Variants in MTX3 observed in about 807,000 individuals in gnomAD.
The protein encoded by MTX3 is metaxin-3.
Under a neutral mutation model 42.5 loss-of-function variants are expected in MTX3, and 27 were observed. That is an observed-to-expected ratio of 0.64 (90% CI 0.47 to 0.88). The LOEUF (loss-of-function observed/expected upper bound fraction) is 0.88. Ranked by LOEUF, MTX3 falls within the 40% of genes least tolerant of loss-of-function variation. The pLI, the probability that MTX3 is intolerant of heterozygous loss-of-function variation, is 0.00. For missense variants in MTX3, 378 were observed against 367.0 expected (o/e 1.03, Z -0.25); for synonymous variants, 144 against 132.9 (o/e 1.08, Z -0.57).
chr5:79,989,920 C>A (rs991588243), intron 3 of MTX3, among the ~76,000 whole-genome samples: 4 of 152,138 alleles, frequency 2.6e-5, no homozygotes, highest in African/African-American at 9.7e-5. Flanking sequence ...TACTTACATA[C>A]AAATTTCAAT....
chr5:79,987,107 C>G lies in MTX3; in HGVS notation c.582G>C (p.Thr194=). The part of the protein sequence containing the change: ...LGTSQFFFGD[T]PSTLDAYVFG... Reference sequence around the variant, plus strand: ...AAACATAGGCATCCAAGGTAGAAGGCCTAGAAATAAATTAAGGATTTTTAA... The same window carrying G: ...AAACATAGGCATCCAAGGTAGAAGGGCTAGAAATAAATTAAGGATTTTTAA... The change falls in exon 7 of 9, where the codon ACG becomes ACC. Residue 194 remains threonine (T), a splice_region_variant and synonymous_variant. Coordinates refer to ENST00000512528, the MANE Select transcript of MTX3 (RefSeq NM_001363818.2). 6.2e-7 allele frequency: 1 copy of G among 1,612,646 alleles called. No individual in the cohort carries two copies. The highest frequency in any genetic ancestry group is 8.5e-7 in the Non-Finnish European group (1 of 1,179,432).
rs1831265134 is a variant in MTX3, at chr5:79,976,927, GTTTAC to G, written c.*6752_*6756del. ...GGCCAACATTGCTTACTTTAAGATT[GTTTAC>G]TTTATAAAGAAGCTAGAGTAGTTGT... On this transcript the variant is annotated 3_prime_UTR_variant, in exon 9 of 9. Coordinates refer to ENST00000512528, the MANE Select transcript of MTX3 (RefSeq NM_001363818.2). 6.6e-6 allele frequency: 1 copy of G among 152,484 alleles called. No individual in the cohort carries two copies. The highest frequency in any genetic ancestry group is 2.4e-5 in the African/African-American group (1 of 41,406). 9.4% of individuals were successfully genotyped at this position (152,484 alleles called of 1,614,324 possible).
At chr5:79,991,075 G>T in intron 1 of MTX3, 83 bp downstream of exon 1, 1 of 1,358,216 alleles carries the variant, frequency 7.4e-7, no homozygotes, top group Non-Finnish European at 1.0e-6. Flanking sequence ...ACCCCGCAGC[G>T]CAGCGGGAAA....
chr5:79,991,111 CA>C (rs760696048), intron 1 of MTX3, 46 bp downstream of exon 1: 10 of 1,521,196 alleles, frequency 6.6e-6, no homozygotes, highest in Non-Finnish European at 8.9e-6. Flanking sequence ...CTGGCGCCTC[CA>C]GCCCCGCCCC....
rs529715938 is a variant in MTX3 at position 79,990,096 on chromosome 5, A to C, written c.228+64T>G. 5.5e-4 allele frequency: 540 copies of C among 979,842 alleles called. 5 individuals are homozygous for C. The African/African-American group carries it at 8.3e-3, about 15-fold the overall frequency. The allele number at this position is 979,842 out of a possible 1,614,324, so 60.7% of individuals were successfully genotyped here. A position where few individuals can be genotyped will look rare whatever the true frequency, so the allele number is the denominator to read the frequency against. On this transcript the variant is annotated intron_variant, in intron 3 of 8. Coordinates refer to ENST00000512528, the MANE Select transcript of MTX3 (RefSeq NM_001363818.2). Reference sequence around the variant, plus strand: ...TTGGCAAAAAAAAATAAATAAATAAAATAAAGCCCAACATGCAGGGATCAA... The same window carrying C: ...TTGGCAAAAAAAAATAAATAAATAACATAAAGCCCAACATGCAGGGATCAA...
Position 79,988,474 on chromosome 5 carries a change from T to C in MTX3, c.492A>G (p.Glu164=), listed in dbSNP as rs551347169. 6.2e-7 allele frequency: 1 copy of C among 1,609,274 alleles called. No individual in the cohort carries two copies. Among genetic ancestry groups the C allele is most frequent in the South Asian group, 1.1e-5 (1 of 90,366 alleles). The change falls in exon 5 of 9, where the codon GAA becomes GAG. Residue 164 remains glutamate (E), a synonymous_variant. Transcript: ENST00000512528. Reference sequence around the variant, plus strand: ...ATCCATACTATACCTGTGCTTCCACTTCTCGGAGGTGGTAGAGGGGAGGCT... The same window carrying C: ...ATCCATACTATACCTGTGCTTCCACCTCTCGGAGGTGGTAGAGGGGAGGCT... ...RGQPPLYHLR[E]VEAQIYRDAK...
At chr5:79,991,053 C>T (rs1831648042) in intron 1 of MTX3, 105 bp downstream of exon 1, 6 of 1,162,302 alleles carry the variant, frequency 5.2e-6, no homozygotes, top group Admixed American at 2.0e-5. Flanking sequence ...TGCAGCGGCT[C>T]GGCCCTCCTG....
At chr5:79,989,028 G>T in intron 4 of MTX3, 124 bp downstream of exon 4, 1 of 614,076 alleles carries the variant, frequency 1.6e-6, no homozygotes. Flanking sequence ...GTAATATGAA[G>T]GAATTAAGAT....
Position 79,990,602 on chromosome 5 carries a change from C to T in MTX3, c.143G>A (p.Gly48Asp), listed in dbSNP as rs764113536. ...KVNVIDNTWR[G>D]SRGDVPILTT... ...AAAGGTTTACACTATACCTCTTGAACCTCTCCAGGTGTTATCTATCACATT... is the reference window on the plus strand; with the variant it reads ...AAAGGTTTACACTATACCTCTTGAATCTCTCCAGGTGTTATCTATCACATT... The change falls in exon 2 of 9, where the codon GGT becomes GAT. Residue 48 changes from glycine to aspartate, a missense_variant. Physicochemically the swap from Gly to Asp is moderately conservative, Grantham distance 94 (BLOSUM62 -1). Coordinates refer to ENST00000512528, the MANE Select transcript of MTX3 (RefSeq NM_001363818.2). 2 of 1,606,270 alleles carry T rather than the reference C, an allele frequency of 1.2e-6. No individual in the cohort carries two copies. Among genetic ancestry groups the T allele is most frequent in the South Asian group, 1.1e-5 (1 of 90,056 alleles).
In MTX3 at chr5:79,981,985, C is replaced by T. The variant is rs2164992; in HGVS notation, c.*1699G>A. 1 of 156,036 alleles carries T rather than the reference C, an allele frequency of 6.4e-6. No homozygotes were observed. Among genetic ancestry groups the T allele is most frequent in the African/African-American group, 2.4e-5 (1 of 41,472 alleles). 9.7% of individuals were successfully genotyped at this position (156,036 alleles called of 1,614,324 possible). On this transcript the variant is annotated 3_prime_UTR_variant, in exon 9 of 9. Coordinates refer to ENST00000512528, the MANE Select transcript of MTX3 (RefSeq NM_001363818.2). Reference sequence around the variant, plus strand: ...TGATGAATGTGCTAACCACCCTTCTCCAATATACATCCATCCTAGAGGACA... The same window carrying T: ...TGATGAATGTGCTAACCACCCTTCTTCAATATACATCCATCCTAGAGGACA...
At chr5:79,985,922 T>G (rs1048592483) in intron 7 of MTX3, among the ~76,000 whole-genome samples, 1 of 95,214 alleles carries the variant, frequency 1.1e-5, no homozygotes, top group African/African-American at 4.7e-5. Flanking sequence ...CCACAATAAT[T>G]AGTTTTTTTT....
chr5:79,989,310 A>C, intron 3 of MTX3, 66 bp from the exon 4 acceptor site: 1 of 974,710 alleles, frequency 1.0e-6, no homozygotes, highest in South Asian at 1.5e-5. Context: ...AGTAAAACTA[A>C]TCAAATCAGG....
intron 8 of MTX3, among the ~76,000 whole-genome samples, chr5:79,984,883 G>A (rs1230516916): frequency 3.9e-5 from 6 of 152,136 alleles, no homozygotes; most frequent in East Asian, 1.9e-4. Flanking sequence ...AAAAGAACAC[G>A]GTGCTGTTAA....
intron 7 of MTX3, 132 bp downstream of exon 7, chr5:79,986,818 T>C: frequency 1.3e-6 from 1 of 783,716 alleles, no homozygotes; most frequent in South Asian, 1.9e-5. Context: ...AAAACACAAA[T>C]CCTTGAAGTG....
At chr5:79,991,079 C>T in intron 1 of MTX3, 79 bp downstream of exon 1, 3 of 1,381,924 alleles carry the variant, frequency 2.2e-6, no homozygotes, top group Non-Finnish European at 3.0e-6. Context: ...CGCAGCGCAG[C>T]GGGAAACTGG....
Position 79,977,671 on chromosome 5 carries a change from G to C in MTX3, c.*6013C>G, listed in dbSNP as rs894965979. Reference sequence around the variant, plus strand: ...TTTAGCTAACCCTCTCAAAATTGCAGGCCTAGTGAGGTTTAAATGTTTTAG... The same window carrying C: ...TTTAGCTAACCCTCTCAAAATTGCACGCCTAGTGAGGTTTAAATGTTTTAG... On this transcript the variant is annotated 3_prime_UTR_variant, in exon 9 of 9. Coordinates refer to ENST00000512528, the MANE Select transcript of MTX3 (RefSeq NM_001363818.2). The C allele has an allele frequency of 2.6e-5, 4 of 152,208 alleles. No homozygotes were observed. The highest frequency in any genetic ancestry group is 9.6e-5 in the African/African-American group (4 of 41,452). The allele number at this position is 152,208 out of a possible 1,614,324, so 9.4% of individuals were successfully genotyped here. A position where few individuals can be genotyped will look rare whatever the true frequency, so the allele number is the denominator to read the frequency against.
Position 79,983,593 on chromosome 5 carries a change from C to G in MTX3, c.*91G>C. Reference sequence around the variant, plus strand: ...TTTGGTTTAGAGTCTTCCTTAATACCTATTATGGTATCTTCTTTTTGCCTT... The same window carrying G: ...TTTGGTTTAGAGTCTTCCTTAATACGTATTATGGTATCTTCTTTTTGCCTT... On this transcript the variant is annotated 3_prime_UTR_variant, in exon 9 of 9. Coordinates refer to ENST00000512528, the MANE Select transcript of MTX3 (RefSeq NM_001363818.2). 1 of 889,600 alleles carries G rather than the reference C, an allele frequency of 1.1e-6. No homozygotes were observed. Among genetic ancestry groups the G allele is most frequent in the Non-Finnish European group, 1.9e-6 (1 of 526,502 alleles). The allele number at this position is 889,600 out of a possible 1,614,324, so 55.1% of individuals were successfully genotyped here.
rs981082662 is a variant in MTX3, at chr5:79,982,371, T to C, written c.*1313A>G. 18 of 456,538 alleles carry C rather than the reference T, an allele frequency of 3.9e-5. No homozygotes were observed. The Admixed American group carries it at 4.2e-4, about 11-fold the overall frequency. The allele number at this position is 456,538 out of a possible 1,614,324, so 28.3% of individuals were successfully genotyped here. On this transcript the variant is annotated 3_prime_UTR_variant, in exon 9 of 9. Transcript: ENST00000512528. ...CACTCAGCTCAAATTAGATGAGTCT[T>C]TTGACTACAAAGCTCATTTTCTTAA...
In MTX3 at chr5:79,988,284, A is replaced by C; in HGVS notation, c.536T>G (p.Leu179Arg). 1.3e-6 allele frequency: 2 copies of C among 1,555,966 alleles called. No individual in the cohort carries two copies. The highest frequency in any genetic ancestry group is 1.7e-6 in the Non-Finnish European group (2 of 1,146,030). Residue 179 changes from leucine to arginine, a missense_variant, in exon 6 of 9, where the codon CTT becomes CGT. Physicochemically the swap from Leu to Arg is moderately radical, Grantham distance 102. Coordinates refer to ENST00000512528, the MANE Select transcript of MTX3 (RefSeq NM_001363818.2). ...AGATGTTCCCAATCTGTTTGATAGA[A>C]GATTTAGGCACTCCTTGGCATCTCT... ...IYRDAKECLN[L>R]LSNRLGTSQF...
Sources: allele counts gnomAD v4.1 joint callset (sites outside exome capture counted in the v4.1 genomes callset), GRCh38; gene constraint gnomAD v4.1.1; transcripts MANE v1.5; gene names NCBI Gene and HGNC (gene_info 2026-07-23, HGNC 2026-07-21).